The following NR2C2 variants were observed in gnomAD, a reference collection of about 807,000 sequenced individuals.
NR2C2 encodes the protein nuclear receptor subfamily 2 group C member 2, also known as Nuclear hormone receptor TR4.
Under a neutral mutation model 62.9 loss-of-function variants are expected in NR2C2, and 6 were observed. The observed-to-expected ratio is 0.10, with a 90% CI of 0.05 to 0.19. The LOEUF (loss-of-function observed/expected upper bound fraction) is 0.19, where lower values mean the gene tolerates loss of function less well. Ranked by LOEUF, NR2C2 falls within the 10% of genes least tolerant of loss-of-function variation. The pLI is 1.00. For synonymous variants in NR2C2, 272 were observed against 273.8 expected, an observed-to-expected ratio of 0.99 and a Z score of 0.07; for missense variants, 479 against 762.7, an observed-to-expected ratio of 0.63 and a Z score of 4.38.
At position 15,047,293 on chromosome 3, in the gene NR2C2, CAG is replaced by C. The variant is rs2042491081; in HGVS notation, c.*4287_*4288del. 1 of 152,216 alleles carries C rather than the reference CAG, an allele frequency of 6.6e-6. No individual in the cohort carries two copies. Among genetic ancestry groups the C allele is most frequent in the Non-Finnish European group, 1.5e-5 (1 of 68,038 alleles). The allele number at this position is 152,216 out of a possible 1,614,324, so 9.4% of individuals were successfully genotyped here. A position where few individuals can be genotyped will look rare whatever the true frequency, so the allele number is the denominator to read the frequency against. ...GCCTGCCTGGGAAGGGCCATGAAGT[CAG>C]AATCTCCACTCTGCAAAAGGAAGAA... On this transcript the variant is annotated 3_prime_UTR_variant, in exon 14 of 14. Coordinates refer to ENST00000425241, the MANE Select transcript of NR2C2 (RefSeq NM_001291694.2).
At position 14,977,393 on chromosome 3, in the gene NR2C2, G is replaced by A. The variant is rs554120102; in HGVS notation, c.-39-26483G>A. ...TTGTGGCAGATGGCTTTCAGCTCTG[G>A]CTGTTATTGCTTCTTCAATTTTATT... On this transcript the variant is annotated intron_variant, in intron 1 of 13. Transcript: ENST00000425241. 2.6e-5 allele frequency among the ~76,000 whole-genome samples: 4 copies of A among 152,246 alleles called. No individual in the cohort carries two copies. In the South Asian group the frequency reaches 8.3e-4, roughly 32 times the overall value.
chr3:15,030,243 A>G (rs1017414770), intron 8 of NR2C2, 32 bp from the exon 9 acceptor site: 12 of 1,582,008 alleles, frequency 7.6e-6, no homozygotes, highest in Non-Finnish European at 9.5e-6. Context: ...CTGTAGATTC[A>G]CAACAATTAC....
At chr3:15,039,270 G>T in intron 13 of NR2C2, 43 bp downstream of exon 13, 1 of 1,273,278 alleles carries the variant, frequency 7.9e-7, no homozygotes, top group South Asian at 1.2e-5. Context: ...GGGCTGCAAG[G>T]AGTGTGGCTG....
intron 1 of NR2C2, among the ~76,000 whole-genome samples, chr3:14,950,573 C>G (rs987754328): frequency 7.0e-6 from 1 of 142,426 alleles, no homozygotes; most frequent in African/African-American, 2.6e-5. Flanking sequence ...TCAAGCATCA[C>G]TTCTTCAGGG....
chr3:15,037,126 A>T (rs1203442443), intron 11 of NR2C2, among the ~76,000 whole-genome samples: 2 of 151,538 alleles, frequency 1.3e-5, no homozygotes, highest in Non-Finnish European at 2.9e-5. Context: ...AAAAAAAAAA[A>T]CCCCTTACAA....
At chr3:15,028,825 A>T (rs1379809144) in intron 8 of NR2C2, 106 bp downstream of exon 8, 1 of 1,255,332 alleles carries the variant, frequency 8.0e-7, no homozygotes, top group Non-Finnish European at 1.1e-6. Context: ...TTAACTAAGG[A>T]TGATAAAATT....
At chr3:14,951,775 T>C (rs770060609) in intron 1 of NR2C2, among the ~76,000 whole-genome samples, 20 of 151,720 alleles carry the variant, frequency 1.3e-4, no homozygotes, top group Non-Finnish European at 2.2e-4. Context: ...TTTTTGGGAG[T>C]CTCGCTCTGT....
chr3:15,027,441 T>G (rs1000358161), intron 7 of NR2C2, among the ~76,000 whole-genome samples: 1 of 152,264 alleles, frequency 6.6e-6, no homozygotes, highest in Non-Finnish European at 1.5e-5. Context: ...CACTTGTTAT[T>G]ATCCATCTTT....
Position 15,022,685 on chromosome 3 carries a change from G to T in NR2C2, c.557-515G>T, listed in dbSNP as rs142268712. Reference sequence around the variant, plus strand: ...CGTGAGCCACCACCCCCGGCCCAAAGATGGGCATTTTTTTATCCTTGAAAG... The same window carrying T: ...CGTGAGCCACCACCCCCGGCCCAAATATGGGCATTTTTTTATCCTTGAAAG... On this transcript the variant is annotated intron_variant, in intron 5 of 13. Coordinates refer to ENST00000425241, the MANE Select transcript of NR2C2 (RefSeq NM_001291694.2). 4.4e-3 allele frequency among the ~76,000 whole-genome samples: 672 copies of T among 152,144 alleles called. 1 individual carries two copies. Among genetic ancestry groups the T allele is most frequent in the African/African-American group, 0.015 (642 of 41,534 alleles).
rs372387517 is a variant in NR2C2 at position 14,974,189 on chromosome 3, T to C, written c.-40+26283T>C. Among the ~76,000 whole-genome samples the C allele has an allele frequency of 9.8e-5, 15 of 152,364 alleles. No individual in the cohort carries two copies. In the South Asian group the frequency reaches 1.7e-3, roughly 17 times the overall value. On this transcript the variant is annotated intron_variant, in intron 1 of 13. Coordinates refer to ENST00000425241, the MANE Select transcript of NR2C2 (RefSeq NM_001291694.2). Reference sequence around the variant, plus strand: ...TGTAAGAATTATACAGAACCTGTCTTTTTGTGACTGGTTTATTTCACTTAG... The same window carrying C: ...TGTAAGAATTATACAGAACCTGTCTCTTTGTGACTGGTTTATTTCACTTAG...
At chr3:15,016,636 C>T (rs1238427963) in intron 4 of NR2C2, among the ~76,000 whole-genome samples, 1 of 152,170 alleles carries the variant, frequency 6.6e-6, no homozygotes, top group African/African-American at 2.4e-5. Context: ...CATCCCCTCA[C>T]TATAACCCAC....
intron 1 of NR2C2, among the ~76,000 whole-genome samples, chr3:14,987,494 TA>T (rs2040543568): frequency 6.6e-6 from 1 of 152,218 alleles, no homozygotes. Context: ...TTGCTGGTTT[TA>T]AAAGGTAGCC....
intron 1 of NR2C2, among the ~76,000 whole-genome samples, chr3:14,989,954 TTAC>T (rs2040622644): frequency 1.1e-4 from 13 of 115,140 alleles, no homozygotes; most frequent in African/African-American, 4.5e-4. Context: ...AAAAAAAAAA[TTAC>T]TGGGTGTGGT....
intron 2 of NR2C2, chr3:15,004,758 G>A (rs181138849): frequency 6.1e-6 from 6 of 990,418 alleles, no homozygotes; most frequent in Non-Finnish European, 8.7e-6. Context: ...AGTTTTATCA[G>A]TTTTTTTGGC....
At chr3:14,948,685 G>A (rs1047198104) in intron 1 of NR2C2, 2 of 152,864 alleles carry the variant, frequency 1.3e-5, no homozygotes, top group African/African-American at 4.8e-5. Context: ...CCCTCCGCCT[G>A]GAACGCGTCT....
At chr3:14,955,156 G>A (rs1351857911) in intron 1 of NR2C2, among the ~76,000 whole-genome samples, 2 of 152,088 alleles carry the variant, frequency 1.3e-5, no homozygotes, top group Non-Finnish European at 2.9e-5. Context: ...GTATCTGCGT[G>A]TTGTAGTTAA....
Position 14,979,770 on chromosome 3 carries a change from T to C in NR2C2, c.-39-24106T>C, listed in dbSNP as rs1013935437. On this transcript the variant is annotated intron_variant, in intron 1 of 13. Coordinates refer to ENST00000425241, the MANE Select transcript of NR2C2 (RefSeq NM_001291694.2). ...GAGGGAGGAAGAAGGTCATAGGAGA[T>C]GAGGTCAGAGTGGGAGGTGCGGCCA... 3.9e-5 allele frequency among the ~76,000 whole-genome samples: 6 copies of C among 152,104 alleles called. No homozygotes were observed. In the South Asian group the frequency reaches 6.2e-4, roughly 16 times the overall value.
intron 1 of NR2C2, among the ~76,000 whole-genome samples, chr3:14,976,716 A>C (rs191744193): frequency 6.7e-6 from 1 of 148,418 alleles, no homozygotes; most frequent in Non-Finnish European, 1.5e-5. Context: ...TTTCATTTAC[A>C]TTACATGGCT....
At chr3:14,978,147 A>G (rs2040261381) in intron 1 of NR2C2, among the ~76,000 whole-genome samples, 2 of 152,122 alleles carry the variant, frequency 1.3e-5, no homozygotes, top group Admixed American at 1.3e-4. Context: ...AGCTAGCTTG[A>G]TTTTACTGTG....
Sources: allele counts gnomAD v4.1 joint callset (sites outside exome capture counted in the v4.1 genomes callset), GRCh38; gene constraint gnomAD v4.1.1; transcripts MANE v1.5; gene names NCBI Gene and HGNC (gene_info 2026-07-23, HGNC 2026-07-21).